The following RIT2 variants were observed in gnomAD, a reference collection of about 807,000 sequenced individuals.
The protein encoded by RIT2 is Ras like without CAAX 2.
A neutral mutation model predicts 23.7 loss-of-function variants in RIT2; 24 were observed. That is an observed-to-expected ratio of 1.01 (90% confidence interval 0.73 to 1.43). RIT2 has a LOEUF of 1.43. Ranked by LOEUF, RIT2 falls within the 40% of genes most tolerant of loss-of-function variation. RIT2 has a pLI of 0.00. For synonymous variants in RIT2, 107 were observed against 91.1 expected (o/e 1.17, Z -0.99); for missense variants, 236 against 266.9 (o/e 0.88, Z 0.81).
chr18:42,869,824 C>A lies in RIT2; in HGVS notation c.426+53748G>T, dbSNP rs568731396. Among the ~76,000 whole-genome samples, 3 of 152,274 alleles carry A rather than the reference C, an allele frequency of 2.0e-5. No individual in the cohort carries two copies. In the South Asian group the frequency reaches 6.2e-4, roughly 32 times the overall value. On this transcript the variant is annotated intron_variant, in intron 4 of 4. Transcript: ENST00000326695. ...CCCTTTTTTATGTGTTTTCTTTAAA[C>A]TAGTGAATCCACAAGTCATGAGGGA...
At chr18:43,037,999 T>A (rs2144289789) in intron 1 of RIT2, among the ~76,000 whole-genome samples, 1 of 152,032 alleles carries the variant, frequency 6.6e-6, no homozygotes, top group South Asian at 2.1e-4. Flanking sequence ...GGTCAGGAGA[T>A]CGAGACCATC....
rs1377463089 is a variant in RIT2 at position 43,032,121 on chromosome 18, T to C, written c.160+1690A>G. The stretch of plus-strand genomic sequence containing the variant: ...GTTTCCATTTTCAAACTTCTTCTTC[T>C]AAAGCTGTTTTATTTATAGCCAGAT... On this transcript the variant is annotated intron_variant, in intron 2 of 4. Coordinates refer to ENST00000326695, the MANE Select transcript of RIT2 (RefSeq NM_002930.4). 2.6e-5 allele frequency among the ~76,000 whole-genome samples: 4 copies of C among 152,138 alleles called. No individual in the cohort carries two copies. In the East Asian group the frequency reaches 5.8e-4, roughly 22 times the overall value.
intron 1 of RIT2, among the ~76,000 whole-genome samples, chr18:43,076,642 G>A (rs1913025290): frequency 6.6e-6 from 1 of 152,070 alleles, no homozygotes; most frequent in Admixed American, 6.6e-5. Flanking sequence ...TAATAAAGAA[G>A]GTAACATTTG....
At chr18:43,066,451 T>TA (rs1301396838) in intron 1 of RIT2, among the ~76,000 whole-genome samples, 1 of 152,184 alleles carries the variant, frequency 6.6e-6, no homozygotes, top group Non-Finnish European at 1.5e-5. Flanking sequence ...ACAGAATAAA[T>TA]ATTTCAGAGG....
rs575565742 is a variant in RIT2, at chr18:43,034,201, G to T, written c.104-334C>A. On this transcript the variant is annotated intron_variant, in intron 1 of 4. Transcript: ENST00000326695. ...CCTCTTGACCTTCTCTGGTTGAACAGTTGGTAATGATGTGCAAGTCCCTTT... is the reference window on the plus strand; with the variant it reads ...CCTCTTGACCTTCTCTGGTTGAACATTTGGTAATGATGTGCAAGTCCCTTT... Among the ~76,000 whole-genome samples the T allele has an allele frequency of 5.9e-5, 9 of 152,228 alleles. 1 individual carries two copies. The highest frequency in any genetic ancestry group is 1.9e-4 in the East Asian group (1 of 5,172).
chr18:42,932,160 C>G (rs1909341796), intron 3 of RIT2, among the ~76,000 whole-genome samples: 1 of 152,028 alleles, frequency 6.6e-6, no homozygotes, highest in Admixed American at 6.6e-5. Flanking sequence ...GGAAAGTGGT[C>G]ATTGGAGCAG....
intron 1 of RIT2, among the ~76,000 whole-genome samples, chr18:43,096,527 T>C (rs4386213): frequency 0.94 from 142,578 of 151,864 alleles, 67,508 homozygotes; most frequent in East Asian, 1. Context: ...CTAGCAGATA[T>C]ATGGGAACAG....
At position 42,743,404 on chromosome 18, in the gene RIT2, T is replaced by G. The variant is rs896786438; in HGVS notation, c.*89A>C. The G allele has an allele frequency of 3.2e-6, 3 of 924,436 alleles. No homozygotes were observed. The African/African-American group carries it at 5.0e-5, about 15-fold the overall frequency. 57.3% of individuals were successfully genotyped at this position (924,436 alleles called of 1,614,324 possible). ...AGATATTTAAAGAGAGAGAGACACA[T>G]AGAGAGATAATATTGAAGCAGAATG... On this transcript the variant is annotated 3_prime_UTR_variant, in exon 5 of 5. Coordinates refer to ENST00000326695, the MANE Select transcript of RIT2 (RefSeq NM_002930.4).
intron 3 of RIT2, among the ~76,000 whole-genome samples, chr18:42,936,935 C>G (rs1909474563): frequency 6.6e-6 from 1 of 151,774 alleles, no homozygotes; most frequent in Non-Finnish European, 1.5e-5. Flanking sequence ...TCGCTTGAAC[C>G]TGGGAGGCAG....
At chr18:42,911,156 G>T (rs550119228) in intron 4 of RIT2, among the ~76,000 whole-genome samples, 5 of 151,860 alleles carry the variant, frequency 3.3e-5, no homozygotes, top group Non-Finnish European at 7.4e-5. Context: ...TCAACATCTT[G>T]GGAATTAAAA....
At chr18:42,753,889 C>G (rs981165656) in intron 4 of RIT2, among the ~76,000 whole-genome samples, 12 of 152,076 alleles carry the variant, frequency 7.9e-5, no homozygotes, top group African/African-American at 2.9e-4. Flanking sequence ...AATCATCTTC[C>G]ATTTAAAGGT....
chr18:42,763,550 G>A (rs1489340650), intron 4 of RIT2, among the ~76,000 whole-genome samples: 1 of 151,806 alleles, frequency 6.6e-6, no homozygotes, highest in Admixed American at 6.6e-5. Flanking sequence ...GTCAGTGAGT[G>A]ATGAGTCAAT....
intron 1 of RIT2, among the ~76,000 whole-genome samples, chr18:43,052,447 TC>T (rs1286535440): frequency 6.6e-6 from 1 of 152,110 alleles, no homozygotes; most frequent in Non-Finnish European, 1.5e-5. Context: ...CCTAACTCTA[TC>T]TTTTTGAATA....
chr18:43,000,545 T>C (rs1598743953), intron 2 of RIT2, among the ~76,000 whole-genome samples: 1 of 152,022 alleles, frequency 6.6e-6, no homozygotes, highest in Non-Finnish European at 1.5e-5. Context: ...ATAAGTGATA[T>C]GGTTTCGCTC....
intron 4 of RIT2, among the ~76,000 whole-genome samples, chr18:42,900,946 T>C (rs1908459968): frequency 1.3e-5 from 2 of 152,038 alleles, no homozygotes; most frequent in Non-Finnish European, 2.9e-5. Flanking sequence ...GTCAAAGCTA[T>C]TTTTATATCA....
In RIT2 at chr18:42,906,440, T is replaced by C. The variant is rs560343197; in HGVS notation, c.426+17132A>G. 3.8e-4 allele frequency among the ~76,000 whole-genome samples: 58 copies of C among 152,290 alleles called. No individual in the cohort carries two copies. In the South Asian group the frequency reaches 9.7e-3, roughly 26 times the overall value. The stretch of plus-strand genomic sequence containing the variant: ...TATGTGGTTTTCTTTATAAGAGATG[T>C]TCCCTTTGATTACAATAAAAGGGTC... On this transcript the variant is annotated intron_variant, in intron 4 of 4. Coordinates refer to ENST00000326695, the MANE Select transcript of RIT2 (RefSeq NM_002930.4).
chr18:42,884,607 A>G (rs966273942), intron 4 of RIT2, among the ~76,000 whole-genome samples: 14 of 152,168 alleles, frequency 9.2e-5, no homozygotes, highest in Non-Finnish European at 2.9e-5. Context: ...GTTTGAACTT[A>G]CTGGAGAGTG....
chr18:43,021,317 T>C (rs1398117273), intron 2 of RIT2, among the ~76,000 whole-genome samples: 2 of 152,056 alleles, frequency 1.3e-5, no homozygotes, highest in Non-Finnish European at 2.9e-5. Flanking sequence ...GAAGTGCAAA[T>C]TAAAACCAAA....
At chr18:42,890,949 G>C (rs889311189) in intron 4 of RIT2, among the ~76,000 whole-genome samples, 2 of 152,134 alleles carry the variant, frequency 1.3e-5, no homozygotes, top group Admixed American at 6.5e-5. Context: ...ATATTTACCA[G>C]AAGTTATATC....
Sources: allele counts gnomAD v4.1 joint callset (sites outside exome capture counted in the v4.1 genomes callset), GRCh38; gene constraint gnomAD v4.1.1; transcripts MANE v1.5; gene names NCBI Gene and HGNC (gene_info 2026-07-23, HGNC 2026-07-21).